The following PDE3A variants were observed in gnomAD, a reference collection of about 807,000 sequenced individuals.
PDE3A encodes phosphodiesterase 3A.
A neutral mutation model predicts 98.3 loss-of-function variants in PDE3A; 43 were observed. That is an observed-to-expected ratio of 0.44 (90% CI 0.34 to 0.56). The LOEUF is 0.56. Ranked by LOEUF, PDE3A falls within the 20% of genes least tolerant of loss-of-function variation. PDE3A has a pLI of 0.01. For missense variants in PDE3A, 1,427 were observed against 1,440.7 expected (o/e 0.99, Z 0.15); for synonymous variants, 663 against 567.9 (o/e 1.17, Z -2.38).
At chr12:20,383,385 C>T (rs1162760960) in intron 1 of PDE3A, among the ~76,000 whole-genome samples, 2 of 151,906 alleles carry the variant, frequency 1.3e-5, no homozygotes, top group African/African-American at 4.8e-5. Context: ...CAGGGACTTT[C>T]TGCTTATTAA....
intron 15 of PDE3A, among the ~76,000 whole-genome samples, chr12:20,668,319 A>G (rs868027044): frequency 0.012 from 1,834 of 150,660 alleles, 14 homozygotes; most frequent in Middle Eastern, 0.055. Flanking sequence ...CAAAGCAGCC[A>G]GGAAGCTCGA....
chr12:20,630,059 C>T lies in PDE3A; in HGVS notation c.1692C>T (p.Ala564=), dbSNP rs767530226. 3.1e-6 allele frequency: 5 copies of T among 1,613,856 alleles called. No individual in the cohort carries two copies. In the South Asian group the frequency reaches 4.4e-5, roughly 14 times the overall value. The part of the protein sequence containing the change: ...TAKQSLGSHR[A]LTYTQSAPDL... ...AACAAAGCCTAGGTTCTCACAGGGC[C>T]TTAACTTACACTCAGAGTGCCCCAG... is the stretch of plus-strand genomic sequence containing the variant. Residue 564 remains alanine (A), a synonymous_variant, in exon 6 of 16, where the codon GCC becomes GCT. Coordinates refer to ENST00000359062, the MANE Select transcript of PDE3A (RefSeq NM_000921.5).
chr12:20,504,145 T>G (rs1388527576), intron 1 of PDE3A, among the ~76,000 whole-genome samples: 1 of 152,170 alleles, frequency 6.6e-6, no homozygotes, highest in Admixed American at 6.6e-5. Context: ...TACAGTTAGC[T>G]TAATGATTTC....
At chr12:20,437,902 G>C (rs186402794) in intron 1 of PDE3A, among the ~76,000 whole-genome samples, 1 of 151,932 alleles carries the variant, frequency 6.6e-6, no homozygotes, top group African/African-American at 2.4e-5. Flanking sequence ...CTAAATTGAG[G>C]GTTGTTTATA....
chr12:20,402,099 A>T (rs763610175), intron 1 of PDE3A, among the ~76,000 whole-genome samples: 2 of 152,152 alleles, frequency 1.3e-5, no homozygotes, highest in Non-Finnish European at 2.9e-5. Context: ...TGTTAGGTAG[A>T]AGTCCAAGTT....
chr12:20,414,121 A>G (rs950278273), intron 1 of PDE3A, among the ~76,000 whole-genome samples: 8 of 152,166 alleles, frequency 5.3e-5, no homozygotes, highest in African/African-American at 1.9e-4. Context: ...GATATTATAC[A>G]TTATTGTATG....
At chr12:20,399,908 T>C (rs1420048772) in intron 1 of PDE3A, among the ~76,000 whole-genome samples, 1 of 152,246 alleles carries the variant, frequency 6.6e-6, no homozygotes, top group Admixed American at 6.5e-5. Flanking sequence ...TTTGTATTAA[T>C]TTTCAATCTA....
At chr12:20,530,084 A>G (rs1039809782) in intron 1 of PDE3A, among the ~76,000 whole-genome samples, 1 of 152,168 alleles carries the variant, frequency 6.6e-6, no homozygotes, top group Non-Finnish European at 1.5e-5. Context: ...TGATAATTTC[A>G]GGTACAGACT....
intron 1 of PDE3A, among the ~76,000 whole-genome samples, chr12:20,533,957 G>A (rs938411790): frequency 6.6e-6 from 1 of 151,868 alleles, no homozygotes; most frequent in Non-Finnish European, 1.5e-5. Flanking sequence ...CCGTGCGCCC[G>A]TCTTTTTTCT....
At position 20,681,837 on chromosome 12, in the gene PDE3A, T is replaced by A. The variant is rs1450308085; in HGVS notation, c.*1566T>A. 1 of 152,080 alleles carries A rather than the reference T, an allele frequency of 6.6e-6. No individual in the cohort carries two copies. The highest frequency in any genetic ancestry group is 1.9e-4 in the East Asian group (1 of 5,204). 9.4% of individuals were successfully genotyped at this position (152,080 alleles called of 1,614,324 possible). A position where few individuals can be genotyped will look rare whatever the true frequency, so the allele number is the denominator to read the frequency against. Reference sequence around the variant, plus strand: ...TTCAATATTTTATTTCATATTATTATATATGTCATGATAGTTATCTTGATG... The same window carrying A: ...TTCAATATTTTATTTCATATTATTAAATATGTCATGATAGTTATCTTGATG... On this transcript the variant is annotated 3_prime_UTR_variant, in exon 16 of 16. Coordinates refer to ENST00000359062, the MANE Select transcript of PDE3A (RefSeq NM_000921.5).
intron 1 of PDE3A, among the ~76,000 whole-genome samples, chr12:20,444,991 T>C (rs1483663996): frequency 6.6e-6 from 1 of 152,222 alleles, no homozygotes; most frequent in Non-Finnish European, 1.5e-5. Context: ...AAATACCTAA[T>C]GTCAAGCCTT....
At chr12:20,396,135 G>T (rs951631249) in intron 1 of PDE3A, among the ~76,000 whole-genome samples, 1 of 152,042 alleles carries the variant, frequency 6.6e-6, no homozygotes, top group African/African-American at 2.4e-5. Context: ...TAGAAAACAA[G>T]TATTATAAAT....
chr12:20,370,333 C>T, intron 1 of PDE3A, 89 bp downstream of exon 1: 2 of 1,153,520 alleles, frequency 1.7e-6, no homozygotes, highest in South Asian at 4.8e-5. Flanking sequence ...GCGCTGGGAA[C>T]TAAAGGGAAG....
rs1235132501 is a variant in PDE3A at position 20,385,985 on chromosome 12, AT to A, written c.960+15742del. Among the ~76,000 whole-genome samples the A allele has an allele frequency of 6.0e-4, 65 of 108,458 alleles. 1 individual carries two copies. Among genetic ancestry groups the A allele is most frequent in the African/African-American group, 2.6e-3 (64 of 24,394 alleles). 71.2% of individuals were successfully genotyped at this position (108,458 alleles called of 152,430 possible). On this transcript the variant is annotated intron_variant, in intron 1 of 15. Transcript: ENST00000359062. ...TAATTATATTAATTATTAATATATAATATATATAAAATATATATATAAATAT... is the reference window on the plus strand; with the variant it reads ...TAATTATATTAATTATTAATATATAAATATATAAAATATATATATAAATAT...
intron 15 of PDE3A, among the ~76,000 whole-genome samples, chr12:20,661,183 T>C (rs973472368): frequency 6.6e-6 from 1 of 152,076 alleles, no homozygotes; most frequent in African/African-American, 2.4e-5. Flanking sequence ...GCCCTAGAGA[T>C]TTGTGGAACT....
chr12:20,566,897 G>C (rs1209029743), intron 2 of PDE3A, among the ~76,000 whole-genome samples: 1 of 151,842 alleles, frequency 6.6e-6, no homozygotes, highest in Non-Finnish European at 1.5e-5. Flanking sequence ...GGTGTACGGT[G>C]ACTTAGTGCC....
chr12:20,428,743 G>T (rs1277338876), intron 1 of PDE3A, among the ~76,000 whole-genome samples: 1 of 152,090 alleles, frequency 6.6e-6, no homozygotes, highest in Non-Finnish European at 1.5e-5. Context: ...AGTCATACTG[G>T]TATAATAGTT....
chr12:20,510,241 CTG>C (rs1184656123), intron 1 of PDE3A, among the ~76,000 whole-genome samples: 4 of 151,916 alleles, frequency 2.6e-5, no homozygotes, highest in Non-Finnish European at 2.9e-5. Context: ...AATAAGCAAA[CTG>C]TGAGTTTTTT....
chr12:20,679,694 T>C lies in PDE3A; in HGVS notation c.3185-336T>C, dbSNP rs1430492118. Among the ~76,000 whole-genome samples the C allele has an allele frequency of 5.9e-5, 9 of 152,014 alleles. No homozygotes were observed. The East Asian group carries it at 1.5e-3, about 26-fold the overall frequency. ...ATTTCAGTGATCTATGTGGAAAGTC[T>C]TGAGAGCCTGAATGTAATGAGAATA... On this transcript the variant is annotated intron_variant, in intron 15 of 15. Transcript: ENST00000359062.
Sources: gnomAD v4.1 joint callset for allele counts (sites outside exome capture counted in the v4.1 genomes callset) on GRCh38, gnomAD v4.1.1 for gene constraint, MANE v1.5 for transcripts, NCBI Gene and HGNC (gene_info 2026-07-23, HGNC 2026-07-21) for gene names.